Variants in SMARCA4 observed in about 807,000 individuals in gnomAD.
SMARCA4 encodes the protein SWI/SNF-related matrix-associated actin-dependent regulator of chromatin subfamily A member 4.
A neutral mutation model predicts 193.9 loss-of-function variants in SMARCA4; 31 were observed. That is an observed-to-expected ratio of 0.16 (90% confidence interval 0.12 to 0.22). The LOEUF is 0.22. SMARCA4 is among the 10% of genes least tolerant of loss of function. The pLI is 1.00. For missense variants in SMARCA4, 1,148 were observed against 2,296.0 expected (o/e 0.50, Z 10.22); for synonymous variants, 942 against 933.1 (o/e 1.01, Z -0.17).
chr19:11,008,581 G>A (rs956678675), intron 14 of SMARCA4, among the ~76,000 whole-genome samples: 9 of 152,122 alleles, frequency 5.9e-5, no homozygotes, highest in Admixed American at 1.3e-4. Flanking sequence ...GGTGACAAGC[G>A]TTTAGGTTAT....
In SMARCA4 at chr19:11,061,739, G is replaced by T. The variant is rs756562104; in HGVS notation, c.4912-45G>T. 7 of 1,597,732 alleles carry T rather than the reference G, an allele frequency of 4.4e-6. No individual in the cohort carries two copies. The East Asian group carries it at 1.6e-4, about 36-fold the overall frequency. On this transcript the variant is annotated intron_variant, in intron 34 of 34. Transcript: ENST00000344626. ...GGCAGGTCCCTGGCAAGGTGCCCTG[G>T]CAGGGGTGGCCAACGCACACTCTCT...
chr19:11,010,999 C>T (rs2088781576), intron 15 of SMARCA4: 1 of 250,586 alleles, frequency 4.0e-6, no homozygotes, highest in Admixed American at 4.8e-5. Flanking sequence ...CAGCCCTGGA[C>T]TCCGCTCTTT....
At chr19:10,971,660 G>GT (rs1433020110) in intron 1 of SMARCA4, among the ~76,000 whole-genome samples, 2 of 151,930 alleles carry the variant, frequency 1.3e-5, no homozygotes, top group Non-Finnish European at 2.9e-5. Flanking sequence ...TAGAGACGAG[G>GT]TTTCACCGTG....
rs188194151 is a variant in SMARCA4, at chr19:10,998,902, T to G, written c.1812+2358T>G. On this transcript the variant is annotated intron_variant, in intron 11 of 34. Transcript: ENST00000344626. ...TCCAGGGAGTCCTGGTTCCTTTTTT[T>G]TTTTTTTTTGTCTGTCAAGACGGGG... Among the ~76,000 whole-genome samples, 876 of 151,680 alleles carry G rather than the reference T, an allele frequency of 5.8e-3. 14 individuals are homozygous for G. The highest frequency in any genetic ancestry group is 0.02 in the African/African-American group (848 of 41,452).
At chr19:11,048,858 G>A (rs1400542940) in intron 30 of SMARCA4, among the ~76,000 whole-genome samples, 1 of 152,200 alleles carries the variant, frequency 6.6e-6, no homozygotes, top group Admixed American at 6.5e-5. Flanking sequence ...TGTCTTGCCT[G>A]GGAATCTTAT....
At chr19:11,053,215 G>A (rs980912781) in intron 30 of SMARCA4, among the ~76,000 whole-genome samples, 24 of 152,134 alleles carry the variant, frequency 1.6e-4, no homozygotes, top group African/African-American at 5.6e-4. Flanking sequence ...ACGGAACCTA[G>A]GCTCATGCCT....
intron 6 of SMARCA4, among the ~76,000 whole-genome samples, chr19:10,988,862 T>C (rs923038835): frequency 2.0e-5 from 3 of 152,188 alleles, no homozygotes; most frequent in African/African-American, 7.2e-5. Context: ...AAAGACTGAT[T>C]AAGAGAATTA....
chr19:11,033,185 C>G lies in SMARCA4; in HGVS notation c.3547-105C>G. 1.1e-6 allele frequency: 1 copy of G among 879,184 alleles called. No individual in the cohort carries two copies. The highest frequency in any genetic ancestry group is 1.9e-6 in the Non-Finnish European group (1 of 527,142). 54.5% of individuals were successfully genotyped at this position (879,184 alleles called of 1,614,324 possible). A position where few individuals can be genotyped will look rare whatever the true frequency, so the allele number is the denominator to read the frequency against. ...GTCAGGCTGGGCAGAATTGTCAGGC[C>G]GAGGGTGGCACGCACAGCACACCTC... is the stretch of plus-strand genomic sequence containing the variant. On this transcript the variant is annotated intron_variant, in intron 25 of 34. Transcript: ENST00000344626. The surrounding 1 kb of genome is among the most constrained non-coding windows in gnomAD (Gnocchi z 9.8).
chr19:11,009,764 C>A (rs538642442), intron 14 of SMARCA4, among the ~76,000 whole-genome samples: 1 of 151,448 alleles, frequency 6.6e-6, no homozygotes, highest in Admixed American at 6.6e-5. Context: ...TCTCGGCTCT[C>A]TGCAAGCTCC....
rs140382322 is a variant in SMARCA4 at position 10,981,095 on chromosome 19, A to G, written c.-31-3026A>G. Among the ~76,000 whole-genome samples the G allele has an allele frequency of 3.3e-3, 501 of 152,342 alleles. 1 individual carries two copies. The highest frequency in any genetic ancestry group is 0.012 in the African/African-American group (487 of 41,588). On this transcript the variant is annotated intron_variant, in intron 1 of 34. Coordinates refer to ENST00000344626, the MANE Select transcript of SMARCA4 (RefSeq NM_003072.5). ...GACTTAGAATAAAGACCTTCAAGTG[A>G]GGAAGAAGCTATAGGTCCCTGAATA...
chr19:11,062,127 T>A lies in SMARCA4; in HGVS notation c.*311T>A, dbSNP rs1234808863. ...AGTACTGTTGCGCCGCAGTTTGGAGTCACTGTAGTTAAGTGTGGATGCATG... is the reference window on the plus strand; with the variant it reads ...AGTACTGTTGCGCCGCAGTTTGGAGACACTGTAGTTAAGTGTGGATGCATG... On this transcript the variant is annotated 3_prime_UTR_variant, in exon 35 of 35. Coordinates refer to ENST00000344626, the MANE Select transcript of SMARCA4 (RefSeq NM_003072.5). 4.1e-6 allele frequency: 2 copies of A among 489,962 alleles called. No individual in the cohort carries two copies. The highest frequency in any genetic ancestry group is 7.5e-6 in the Non-Finnish European group (2 of 266,876). 30.4% of individuals were successfully genotyped at this position (489,962 alleles called of 1,614,324 possible).
At position 11,030,699 on chromosome 19, in the gene SMARCA4, C is replaced by T. The variant is rs775506017; in HGVS notation, c.3383-31C>T. On this transcript the variant is annotated intron_variant, in intron 24 of 34. Coordinates refer to ENST00000344626, the MANE Select transcript of SMARCA4 (RefSeq NM_003072.5). The surrounding 1 kb of genome is among the most constrained non-coding windows in gnomAD (Gnocchi z 5.5). ...CCCCACTCTACCCCTGAGGTCACCC[C>T]GCTGACCCTGTTCTCCTCTGTGCCC... 48 of 1,600,580 alleles carry T rather than the reference C, an allele frequency of 3.0e-5. No homozygotes were observed. The highest frequency in any genetic ancestry group is 8.0e-5 in the African/African-American group (6 of 74,764).
intron 1 of SMARCA4, among the ~76,000 whole-genome samples, chr19:10,978,292 C>T (rs1014570014): frequency 6.6e-6 from 1 of 152,148 alleles, no homozygotes; most frequent in Non-Finnish European, 1.5e-5. Context: ...AAAGACCAAA[C>T]TTGATGAACT....
intron 19 of SMARCA4, among the ~76,000 whole-genome samples, chr19:11,023,044 C>A (rs1026749425): frequency 1.3e-5 from 2 of 152,170 alleles, no homozygotes; most frequent in African/African-American, 4.8e-5. Flanking sequence ...GTTTCTTTCA[C>A]CTGGTTCCAC....
In SMARCA4 at chr19:11,031,128, C is replaced by T. The variant is rs1315627539; in HGVS notation, c.3546+235C>T. ...TCTGATTGGGAAAGCAGTGTATAAGCCATCCGTCGGTTTGGTTTTTCTTAA... is the reference window on the plus strand; with the variant it reads ...TCTGATTGGGAAAGCAGTGTATAAGTCATCCGTCGGTTTGGTTTTTCTTAA... On this transcript the variant is annotated intron_variant, in intron 25 of 34. Transcript: ENST00000344626. This position sits in a 1 kb window ranked among gnomAD's most constrained non-coding sequence, Gnocchi z 4.3. 5.4e-6 allele frequency: 3 copies of T among 559,440 alleles called. No homozygotes were observed. Among genetic ancestry groups the T allele is most frequent in the Non-Finnish European group, 9.7e-6 (3 of 310,032 alleles). The allele number at this position is 559,440 out of a possible 1,614,324, so 34.7% of individuals were successfully genotyped here. A position where few individuals can be genotyped will look rare whatever the true frequency, so the allele number is the denominator to read the frequency against.
In SMARCA4 at chr19:11,019,952, C is replaced by T. The variant is rs1385467813; in HGVS notation, c.2616+251C>T. Among the ~76,000 whole-genome samples, 2 of 152,260 alleles carry T rather than the reference C, an allele frequency of 1.3e-5. No individual in the cohort carries two copies. Among genetic ancestry groups the T allele is most frequent in the African/African-American group, 4.8e-5 (2 of 41,476 alleles). On this transcript the variant is annotated intron_variant, in intron 18 of 34. Coordinates refer to ENST00000344626, the MANE Select transcript of SMARCA4 (RefSeq NM_003072.5). The surrounding 1 kb of genome is among the most constrained non-coding windows in gnomAD (Gnocchi z 6.1). Reference sequence around the variant, plus strand: ...CATCTACACAGCATGCGCTCTGCCTCCTCTCGGGCCTTCTGCCCAGAGAGC... The same window carrying T: ...CATCTACACAGCATGCGCTCTGCCTTCTCTCGGGCCTTCTGCCCAGAGAGC...
chr19:11,002,518 C>T (rs1449285075), intron 11 of SMARCA4, among the ~76,000 whole-genome samples: 4 of 151,308 alleles, frequency 2.6e-5, no homozygotes, highest in Admixed American at 6.6e-5. Context: ...AAAAATGGGC[C>T]GAGCATAGTG....
intron 15 of SMARCA4, chr19:11,011,916 G>C (rs1424912217): frequency 6.6e-6 from 1 of 152,252 alleles, no homozygotes; most frequent in Non-Finnish European, 1.5e-5. Context: ...AAATGGAGCA[G>C]GTCAAAACTG....
Position 11,024,375 on chromosome 19 carries a change from G to C in SMARCA4, c.3018G>C (p.Val1006=), listed in dbSNP as rs752405804. Residue 1006 remains valine (V), a synonymous_variant, in exon 21 of 35, where the codon GTG becomes GTC. Transcript: ENST00000344626. ...GCGACATGTCTGCGCTGCAGCGAGTGCTCTACCGCCACATGCAGGCCAAGG... is the reference window on the plus strand; with the variant it reads ...GCGACATGTCTGCGCTGCAGCGAGTCCTCTACCGCCACATGCAGGCCAAGG... ...IKCDMSALQR[V]LYRHMQAKGV... is the part of the protein sequence containing the mutation. 6.8e-6 allele frequency: 11 copies of C among 1,613,172 alleles called. No individual in the cohort carries two copies. The South Asian group carries it at 1.2e-4, about 18-fold the overall frequency.
Sources: allele counts gnomAD v4.1 joint callset (sites outside exome capture counted in the v4.1 genomes callset), GRCh38; gene constraint gnomAD v4.1.1; non-coding constraint Gnocchi (gnomAD v3.1); transcripts MANE v1.5; gene names NCBI Gene and HGNC (gene_info 2026-07-23, HGNC 2026-07-21).